CDH10: variants seen among roughly 807,000 people sequenced by gnomAD.
CDH10 encodes the protein cadherin 10.
A neutral mutation model predicts 73.1 loss-of-function variants in CDH10; 30 were observed. That is an observed-to-expected ratio of 0.41 (90% CI 0.31 to 0.56). The LOEUF is 0.56. Ranked by LOEUF, CDH10 falls within the 20% of genes least tolerant of loss-of-function variation. The pLI is 0.27. For missense variants in CDH10, 815 were observed against 973.7 expected, an observed-to-expected ratio of 0.84 and a Z score of 2.17; for synonymous variants, 345 against 348.2, an observed-to-expected ratio of 0.99 and a Z score of 0.10.
At chr5:24,515,918 T>A (rs1392154121) in intron 5 of CDH10, among the ~76,000 whole-genome samples, 1 of 152,028 alleles carries the variant, frequency 6.6e-6, no homozygotes, top group Non-Finnish European at 1.5e-5. Context: ...CCCTGAGCAA[T>A]CTCTTTCGCC....
At chr5:24,548,846 T>G (rs1480313537) in intron 2 of CDH10, among the ~76,000 whole-genome samples, 2 of 152,024 alleles carry the variant, frequency 1.3e-5, no homozygotes, top group Non-Finnish European at 2.9e-5. Context: ...AATTAGGGGA[T>G]TAATATACAA....
intron 2 of CDH10, among the ~76,000 whole-genome samples, chr5:24,592,850 T>C (rs1746245785): frequency 6.6e-6 from 1 of 151,706 alleles, no homozygotes; most frequent in Admixed American, 6.6e-5. Context: ...CTGTAGAAGA[T>C]TAAACAACTT....
chr5:24,513,712 G>A lies in CDH10; in HGVS notation c.815-2198C>T, dbSNP rs73743613. Among the ~76,000 whole-genome samples the A allele has an allele frequency of 2.9e-3, 442 of 152,014 alleles. 2 individuals are homozygous for A. The highest frequency in any genetic ancestry group is 9.9e-3 in the African/African-American group (409 of 41,438). On this transcript the variant is annotated intron_variant, in intron 5 of 11. Transcript: ENST00000264463. ...TGTATCCTTCATTTTTTCTATCTCC[G>A]GTAACACACCACTGAAAGCAACTCT...
At chr5:24,551,362 T>C (rs1272906235) in intron 2 of CDH10, among the ~76,000 whole-genome samples, 1 of 152,210 alleles carries the variant, frequency 6.6e-6, no homozygotes, top group Non-Finnish European at 1.5e-5. Context: ...TATATTCTGA[T>C]TTAACAATTG....
chr5:24,566,659 A>G (rs1298458309), intron 2 of CDH10, among the ~76,000 whole-genome samples: 1 of 151,896 alleles, frequency 6.6e-6, no homozygotes, highest in Non-Finnish European at 1.5e-5. Flanking sequence ...TATATGGTAA[A>G]CAAACAAAAA....
In CDH10 at chr5:24,503,958, T is replaced by G. The variant is rs568995690; in HGVS notation, c.1393+1154A>C. On this transcript the variant is annotated intron_variant, in intron 8 of 11. Coordinates refer to ENST00000264463, the MANE Select transcript of CDH10 (RefSeq NM_006727.5). ...TATCATATGCAACCAGCATTTAGCA[T>G]AGATCCTAATTATTAGTGTGCAAGT... 7.2e-5 allele frequency among the ~76,000 whole-genome samples: 11 copies of G among 152,298 alleles called. No individual in the cohort carries two copies. In the East Asian group the frequency reaches 2.1e-3, roughly 29 times the overall value.
chr5:24,642,101 G>C (rs1469514634), intron 1 of CDH10, among the ~76,000 whole-genome samples: 1 of 152,040 alleles, frequency 6.6e-6, no homozygotes, highest in Non-Finnish European at 1.5e-5. Flanking sequence ...TGCATCACTG[G>C]TTTGTATTAA....
intron 2 of CDH10, among the ~76,000 whole-genome samples, chr5:24,544,052 T>C (rs1271810765): frequency 2.0e-5 from 3 of 152,176 alleles, no homozygotes; most frequent in Non-Finnish European, 4.4e-5. Context: ...TCCCAGCACT[T>C]TGGGAGGCCG....
intron 2 of CDH10, among the ~76,000 whole-genome samples, chr5:24,563,137 T>G (rs1035573256): frequency 6.6e-6 from 1 of 152,206 alleles, no homozygotes; most frequent in Non-Finnish European, 1.5e-5. Context: ...TGTCTTGACT[T>G]TCAGCATCTT....
chr5:24,613,553 C>A (rs1747026332), intron 1 of CDH10, among the ~76,000 whole-genome samples: 1 of 147,162 alleles, frequency 6.8e-6, no homozygotes, highest in Non-Finnish European at 1.5e-5. Flanking sequence ...GAAATGACAG[C>A]TTTTATTTAC....
In CDH10 at chr5:24,505,231, T is replaced by C; in HGVS notation, c.1274A>G (p.His425Arg). 1.2e-6 allele frequency: 2 copies of C among 1,613,194 alleles called. No individual in the cohort carries two copies. The highest frequency in any genetic ancestry group is 1.7e-6 in the Non-Finnish European group (2 of 1,179,450). ...SSPIRFSLDR[H>R]TDLDRIFNIH... ...GTTAAAGATTCTGTCAAGGTCAGTATGGCGATCCAAGGAAAATCTGAACAT... is the reference window on the plus strand; with the variant it reads ...GTTAAAGATTCTGTCAAGGTCAGTACGGCGATCCAAGGAAAATCTGAACAT... Residue 425 changes from histidine to arginine, a missense_variant, in exon 8 of 12, where the codon CAT (histidine) becomes CGT (arginine). Around this residue, in one of 3 missense-constraint regions of CDH10, gnomAD observed 516 missense variants for 636.6 expected, o/e 0.81. Coordinates refer to ENST00000264463, the MANE Select transcript of CDH10 (RefSeq NM_006727.5).
At chr5:24,631,940 CTATT>C (rs1329278350) in intron 1 of CDH10, among the ~76,000 whole-genome samples, 1 of 151,936 alleles carries the variant, frequency 6.6e-6, no homozygotes, top group Non-Finnish European at 1.5e-5. Flanking sequence ...TCAAATAATT[CTATT>C]TGAGAGGAAA....
intron 11 of CDH10, among the ~76,000 whole-genome samples, chr5:24,490,846 G>A (rs536099796): frequency 1.8e-4 from 28 of 152,134 alleles, no homozygotes; most frequent in South Asian, 4.1e-4. Context: ...CAGGAATGCC[G>A]ATGGGAAGTG....
At position 24,511,496 on chromosome 5, in the gene CDH10, A is replaced by G. The variant is rs2111767287; in HGVS notation, c.833T>C (p.Val278Ala). Residue 278 changes from valine to alanine, a missense_variant, in exon 6 of 12, where the codon GTT becomes GCT. By Grantham distance (64) the Val-to-Ala change is moderately conservative. Transcript: ENST00000264463. The part of the protein sequence containing the change: ...RFPQNTIHLR[V>A]LESSPVGTAI... ...TGTGCCAACTGGGGAGGATTCAAGA[A>G]CTCGAAGATGAATAGTGTCTGTAAA... 1 of 1,571,568 alleles carries G rather than the reference A, an allele frequency of 6.4e-7. No individual in the cohort carries two copies. Among genetic ancestry groups the G allele is most frequent in the Non-Finnish European group, 8.7e-7 (1 of 1,145,948 alleles).
chr5:24,493,759 T>G (rs1023023270), intron 9 of CDH10, among the ~76,000 whole-genome samples: 1 of 151,980 alleles, frequency 6.6e-6, no homozygotes. Flanking sequence ...TTGTTAAATA[T>G]GTACACTGAT....
At chr5:24,529,025 T>C (rs1197304558) in intron 5 of CDH10, among the ~76,000 whole-genome samples, 1 of 152,014 alleles carries the variant, frequency 6.6e-6, no homozygotes, top group East Asian at 1.9e-4. Context: ...ACCTAATACA[T>C]TGTCTATCTC....
intron 5 of CDH10, among the ~76,000 whole-genome samples, chr5:24,518,883 A>AT (rs1218178947): frequency 1.6e-4 from 13 of 78,994 alleles, no homozygotes; most frequent in African/African-American, 5.7e-4. Context: ...TGACATGTGC[A>AT]CTTTTTTTTT....
At chr5:24,590,710 T>G (rs568352236) in intron 2 of CDH10, among the ~76,000 whole-genome samples, 1 of 152,132 alleles carries the variant, frequency 6.6e-6, no homozygotes, top group Non-Finnish European at 1.5e-5. Flanking sequence ...TTTAAAAAAT[T>G]TTTTCTTCTG....
intron 3 of CDH10, among the ~76,000 whole-genome samples, chr5:24,536,295 C>T (rs1743952387): frequency 6.6e-6 from 1 of 151,934 alleles, no homozygotes; most frequent in Non-Finnish European, 1.5e-5. Context: ...AACATGATCC[C>T]AAGTTCCATG....
Sources: gnomAD v4.1 joint callset for allele counts (sites outside exome capture counted in the v4.1 genomes callset) on GRCh38, gnomAD v4.1.1 for gene constraint, gnomAD v4.1.1 regional missense constraint, MANE v1.5 for transcripts, NCBI Gene and HGNC (gene_info 2026-07-23, HGNC 2026-07-21) for gene names.